Variants in SFMBT2 observed in about 807,000 individuals in gnomAD.
The protein encoded by SFMBT2 is Scm like with four mbt domains 2.
In SFMBT2, 38 loss-of-function variants were observed where a neutral mutation model predicts 110.1. The ratio of observed to expected loss-of-function variants is 0.35; its 90% CI spans 0.27 to 0.45. SFMBT2 has a LOEUF of 0.45. SFMBT2 is among the 20% of genes least tolerant of loss of function. SFMBT2 has a pLI of 1.00. For missense variants in SFMBT2, 1,011 were observed against 1,094.9 expected, an observed-to-expected ratio of 0.92 and a Z score of 1.08; for synonymous variants, 425 against 425.4, an observed-to-expected ratio of 1.00 and a Z score of 0.01.
At chr10:7,241,164 T>C in intron 9 of SFMBT2, 1 of 178,954 alleles carries the variant, frequency 5.6e-6, no homozygotes, top group Non-Finnish European at 1.1e-5. Context: ...CGTGACCTGC[T>C]CCTCATTGCC....
At chr10:7,229,594 CAAA>C (rs527488752) in intron 9 of SFMBT2, among the ~76,000 whole-genome samples, 3 of 116,484 alleles carry the variant, frequency 2.6e-5, no homozygotes, top group African/African-American at 3.3e-5. Flanking sequence ...GACTCCATCT[CAAA>C]AAAAAAAAAA....
chr10:7,223,989 G>A (rs1839827928), intron 10 of SFMBT2, among the ~76,000 whole-genome samples: 1 of 152,048 alleles, frequency 6.6e-6, no homozygotes, highest in Non-Finnish European at 1.5e-5. Context: ...CCAACACCTG[G>A]GTCATGATGG....
intron 1 of SFMBT2, among the ~76,000 whole-genome samples, chr10:7,382,230 T>C (rs975389621): frequency 6.6e-6 from 1 of 151,914 alleles, no homozygotes; most frequent in South Asian, 2.1e-4. Context: ...GCCAACATGG[T>C]GAAACCCTGT....
chr10:7,269,504 G>A (rs1046430087), intron 7 of SFMBT2, among the ~76,000 whole-genome samples: 2 of 152,124 alleles, frequency 1.3e-5, no homozygotes. Flanking sequence ...GCTCATCTCC[G>A]GCCATTAAAT....
intron 4 of SFMBT2, among the ~76,000 whole-genome samples, chr10:7,349,981 CGCATGCT>C (rs1844256382): frequency 2.0e-5 from 3 of 152,082 alleles, no homozygotes; most frequent in Non-Finnish European, 4.4e-5. Flanking sequence ...ACCTCATAGG[CGCATGCT>C]GACATTAAAG....
intron 4 of SFMBT2, among the ~76,000 whole-genome samples, chr10:7,364,898 C>T (rs181289052): frequency 2.0e-5 from 3 of 152,370 alleles, no homozygotes; most frequent in Admixed American, 6.5e-5. Context: ...CTAGACCTGG[C>T]ATTTCCTCAA....
chr10:7,208,617 T>G (rs1588340020), intron 11 of SFMBT2, among the ~76,000 whole-genome samples: 1 of 148,110 alleles, frequency 6.8e-6, no homozygotes, highest in East Asian at 2.0e-4. Context: ...ACTTGGGAGG[T>G]GGAGGTTGCA....
chr10:7,387,145 C>A (rs562454475), intron 1 of SFMBT2, among the ~76,000 whole-genome samples: 197 of 152,268 alleles, frequency 1.3e-3, no homozygotes, highest in African/African-American at 3.4e-3. Context: ...GTGGCAGGGA[C>A]CCCACACAGT....
At chr10:7,191,350 G>A (rs1026849668) in intron 15 of SFMBT2, among the ~76,000 whole-genome samples, 7 of 152,182 alleles carry the variant, frequency 4.6e-5, no homozygotes, top group African/African-American at 1.7e-4. Flanking sequence ...GAAACGCTGG[G>A]CAGCTCTGGG....
chr10:7,186,225 A>T (rs1473268764), intron 16 of SFMBT2, among the ~76,000 whole-genome samples: 2 of 151,972 alleles, frequency 1.3e-5, no homozygotes, highest in East Asian at 3.9e-4. Flanking sequence ...TACTCTTAGG[A>T]GGTGGAAAAA....
intron 1 of SFMBT2, among the ~76,000 whole-genome samples, chr10:7,409,933 C>G (rs1846327373): frequency 6.6e-6 from 1 of 151,990 alleles, no homozygotes; most frequent in Non-Finnish European, 1.5e-5. Context: ...CCACTTCCCA[C>G]CCTCCAGGAT....
Position 7,367,235 on chromosome 10 carries a change from A to G in SFMBT2, c.436+414T>C, listed in dbSNP as rs753019464. The stretch of plus-strand genomic sequence containing the variant: ...AAATGTCGACTTGCTAAAGCAGAAG[A>G]AAAGCAACATGGCCAATCACCAAAC... On this transcript the variant is annotated intron_variant, in intron 4 of 20. Transcript: ENST00000397167. The surrounding 1 kb of genome is among the most constrained non-coding windows in gnomAD (Gnocchi z 6.2). Among the ~76,000 whole-genome samples, 21 of 152,134 alleles carry G rather than the reference A, an allele frequency of 1.4e-4. No individual in the cohort carries two copies. The highest frequency in any genetic ancestry group is 7.3e-5 in the Non-Finnish European group (5 of 68,036).
chr10:7,250,510 C>A (rs1840771150), intron 7 of SFMBT2, among the ~76,000 whole-genome samples: 1 of 152,160 alleles, frequency 6.6e-6, no homozygotes, highest in Non-Finnish European at 1.5e-5. Flanking sequence ...TAGGTTGATT[C>A]CATGCCTTTG....
intron 4 of SFMBT2, among the ~76,000 whole-genome samples, chr10:7,326,855 A>T (rs1013702430): frequency 2.0e-5 from 3 of 152,172 alleles, no homozygotes; most frequent in South Asian, 2.1e-4. Flanking sequence ...TTTGCTTCCA[A>T]AGCTGCTCTT....
intron 4 of SFMBT2, among the ~76,000 whole-genome samples, chr10:7,351,353 T>C (rs966154171): frequency 2.6e-5 from 4 of 152,208 alleles, no homozygotes; most frequent in Non-Finnish European, 4.4e-5. Context: ...AGAATGAGGA[T>C]GGATAAAAAC....
intron 10 of SFMBT2, among the ~76,000 whole-genome samples, chr10:7,223,330 T>C (rs1323331980): frequency 6.6e-6 from 1 of 152,198 alleles, no homozygotes; most frequent in Non-Finnish European, 1.5e-5. Flanking sequence ...GCCATTGTAA[T>C]AGGTATCTAG....
Position 7,186,092 on chromosome 10 carries a change from T to C in SFMBT2, c.1808+2532A>G, listed in dbSNP as rs945201172. On this transcript the variant is annotated intron_variant, in intron 16 of 20. Transcript: ENST00000397167. ...TAATTTCTTTCTATAAAAGGTACGG[T>C]TGTTGGATAAATAGGGGAAAAATCA... Among the ~76,000 whole-genome samples the C allele has an allele frequency of 8.5e-5, 13 of 152,134 alleles. No individual in the cohort carries two copies. The East Asian group carries it at 2.3e-3, about 27-fold the overall frequency.
At chr10:7,382,875 C>G (rs182596180) in intron 1 of SFMBT2, among the ~76,000 whole-genome samples, 1 of 152,352 alleles carries the variant, frequency 6.6e-6, no homozygotes, top group East Asian at 1.9e-4. Context: ...AACATTAGAG[C>G]TGGTTCCCAC....
chr10:7,320,066 G>C (rs1395416893), intron 4 of SFMBT2, among the ~76,000 whole-genome samples: 1 of 151,632 alleles, frequency 6.6e-6, no homozygotes, highest in African/African-American at 2.4e-5. Context: ...GACAGAGAGA[G>C]AGACATAGAG....
Sources: allele counts gnomAD v4.1 joint callset (sites outside exome capture counted in the v4.1 genomes callset), GRCh38; gene constraint gnomAD v4.1.1; non-coding constraint Gnocchi (gnomAD v3.1); transcripts MANE v1.5; gene names NCBI Gene and HGNC (gene_info 2026-07-23, HGNC 2026-07-21).